Variants in CHSY3 observed in about 807,000 individuals in gnomAD.
CHSY3 encodes the protein N-acetylgalactosaminyl-proteoglycan 3-beta-glucuronosyltransferase 3.
Under a neutral mutation model 67.2 loss-of-function variants are expected in CHSY3, and 35 were observed. The observed-to-expected ratio is 0.52, with a 90% confidence interval of 0.40 to 0.69. The LOEUF is 0.69. Among genes scored for constraint, CHSY3 ranks in the 30% least tolerant of loss-of-function variants. The pLI is 0.00. For synonymous variants in CHSY3, 474 were observed against 434.7 expected (o/e 1.09, Z -1.12); for missense variants, 1,069 against 1,138.5 (o/e 0.94, Z 0.88).
At chr5:130,144,934 C>T (rs1232082389) in intron 2 of CHSY3, among the ~76,000 whole-genome samples, 1 of 152,122 alleles carries the variant, frequency 6.6e-6, no homozygotes, top group Non-Finnish European at 1.5e-5. Flanking sequence ...GGGGAGGCCT[C>T]AGGAAACTTA....
intron 2 of CHSY3, among the ~76,000 whole-genome samples, chr5:130,064,927 A>T (rs1273035704): frequency 6.6e-6 from 1 of 152,178 alleles, no homozygotes; most frequent in African/African-American, 2.4e-5. Context: ...TTTTATTGTG[A>T]ACAGTCAGGA....
intron 2 of CHSY3, among the ~76,000 whole-genome samples, chr5:130,131,757 T>C (rs1768490234): frequency 6.6e-6 from 1 of 152,104 alleles, no homozygotes; most frequent in Admixed American, 6.6e-5. Flanking sequence ...CCTCATGATA[T>C]CCACTAGAAT....
intron 2 of CHSY3, among the ~76,000 whole-genome samples, chr5:130,031,216 A>C (rs1313428142): frequency 6.6e-6 from 1 of 152,174 alleles, no homozygotes; most frequent in East Asian, 1.9e-4. Context: ...TGAGCCATTA[A>C]TTTCTCTATA....
chr5:130,111,684 A>G (rs1005302993), intron 2 of CHSY3, among the ~76,000 whole-genome samples: 1 of 152,148 alleles, frequency 6.6e-6, no homozygotes, highest in Non-Finnish European at 1.5e-5. Context: ...ATAAATCAAA[A>G]TAATGAAATA....
intron 2 of CHSY3, among the ~76,000 whole-genome samples, chr5:130,087,595 C>G (rs1348186871): frequency 6.6e-6 from 1 of 151,662 alleles, no homozygotes; most frequent in African/African-American, 2.4e-5. Context: ...AGAGCCAAAT[C>G]ATGAGTGAAC....
rs1163674447 is a variant in CHSY3 at position 130,186,239 on chromosome 5, CT to C, written c.*449del. 3 of 150,612 alleles carry C rather than the reference CT, an allele frequency of 2.0e-5. No homozygotes were observed. The highest frequency in any genetic ancestry group is 7.6e-5 in the African/African-American group (3 of 39,492). 9.3% of individuals were successfully genotyped at this position (150,612 alleles called of 1,614,324 possible). On this transcript the variant is annotated 3_prime_UTR_variant, in exon 3 of 3. Transcript: ENST00000305031. ...TTATGCTTCCTATGGGGAAGGGACT[CT>C]GTAACATAAACTTGAGTTTTGTAAT...
rs114469293 is a variant in CHSY3 at position 130,019,218 on chromosome 5, A to T, written c.1086+110858A>T. ...TTTACACATGCTTGTTTGAAGAATA[A>T]TTGCTTGCATGATTACCATCAATAT... On this transcript the variant is annotated intron_variant, in intron 2 of 2. Transcript: ENST00000305031. 3.3e-5 allele frequency among the ~76,000 whole-genome samples: 5 copies of T among 152,292 alleles called. No individual in the cohort carries two copies. The East Asian group carries it at 9.7e-4, about 29-fold the overall frequency.
chr5:129,924,240 A>G (rs1761019580), intron 2 of CHSY3, among the ~76,000 whole-genome samples: 1 of 151,990 alleles, frequency 6.6e-6, no homozygotes, highest in Non-Finnish European at 1.5e-5. Context: ...TTATATTTCC[A>G]TAGTTTCTCT....
chr5:130,129,634 T>C lies in CHSY3; in HGVS notation c.1087-54595T>C, dbSNP rs891219183. 3.9e-5 allele frequency among the ~76,000 whole-genome samples: 6 copies of C among 152,232 alleles called. No individual in the cohort carries two copies. The South Asian group carries it at 1.2e-3, about 32-fold the overall frequency. ...TGAATATACATAGCAATTTAGAAAA[T>C]GAATATTAAATAATTTTAAATTTTG... is the stretch of plus-strand genomic sequence containing the variant. On this transcript the variant is annotated intron_variant, in intron 2 of 2. Transcript: ENST00000305031.
chr5:129,963,259 G>A lies in CHSY3; in HGVS notation c.1086+54899G>A, dbSNP rs187152890. 3.3e-5 allele frequency among the ~76,000 whole-genome samples: 5 copies of A among 152,026 alleles called. No individual in the cohort carries two copies. In the East Asian group the frequency reaches 7.8e-4, roughly 24 times the overall value. On this transcript the variant is annotated intron_variant, in intron 2 of 2. Transcript: ENST00000305031. ...CATCTCTATAGTCTTTTGATGTTTA[G>A]GAAACTATTTTCATCTACTACCTTG...
chr5:130,055,279 T>TAAAA (rs200891155), intron 2 of CHSY3, among the ~76,000 whole-genome samples: 1 of 140,054 alleles, frequency 7.1e-6, no homozygotes, highest in Non-Finnish European at 1.6e-5. Flanking sequence ...TTGCCCCTTG[T>TAAAA]AAAAAAAAAA....
chr5:130,153,408 C>T (rs1769283791), intron 2 of CHSY3, among the ~76,000 whole-genome samples: 1 of 152,072 alleles, frequency 6.6e-6, no homozygotes, highest in South Asian at 2.1e-4. Flanking sequence ...TTTCTCAAAA[C>T]ATCATTCTCT....
At chr5:130,072,572 AT>A (rs1173160317) in intron 2 of CHSY3, among the ~76,000 whole-genome samples, 3 of 152,038 alleles carry the variant, frequency 2.0e-5, no homozygotes, top group African/African-American at 7.2e-5. Context: ...TTTATAATAT[AT>A]TTAAGTCAGG....
chr5:130,115,125 A>T (rs907822456), intron 2 of CHSY3, among the ~76,000 whole-genome samples: 2 of 151,750 alleles, frequency 1.3e-5, no homozygotes, highest in Non-Finnish European at 2.9e-5. Flanking sequence ...CTTTTCTCAA[A>T]TTTTTATAAA....
At chr5:130,125,981 A>G (rs780736039) in intron 2 of CHSY3, among the ~76,000 whole-genome samples, 33 of 152,204 alleles carry the variant, frequency 2.2e-4, no homozygotes, top group Non-Finnish European at 3.4e-4. Context: ...TTTCCTTTAC[A>G]TACTTGCTTG....
intron 2 of CHSY3, among the ~76,000 whole-genome samples, chr5:130,182,436 C>G (rs1301478986): frequency 6.6e-6 from 1 of 151,648 alleles, no homozygotes; most frequent in South Asian, 2.1e-4. Flanking sequence ...TTCTCCTGCT[C>G]TGTAATTGCC....
rs149892119 is a variant in CHSY3, at chr5:129,908,230, G to A, written c.956G>A (p.Arg319Gln). The A allele has an allele frequency of 1.5e-5, 25 of 1,614,144 alleles. No individual in the cohort carries two copies. The highest frequency in any genetic ancestry group is 1.5e-4 in the African/African-American group (11 of 75,026). The change falls in exon 2 of 3, where the codon CGA becomes CAA. Residue 319 changes from arginine to glutamine, a missense_variant. By Grantham distance (43) the Arg-to-Gln change is conservative. Around this residue, in one of 5 missense-constraint regions of CHSY3, gnomAD observed 216 missense variants for 311.5 expected, o/e 0.69. Coordinates refer to ENST00000305031, the MANE Select transcript of CHSY3 (RefSeq NM_175856.5). ...CMGGPGMIFS[R>Q]EVLRRMVPHI... is the part of the protein sequence containing the mutation. The stretch of plus-strand genomic sequence containing the variant: ...GGAGGACCTGGCATGATCTTTAGCC[G>A]AGAAGTTCTCAGGAGGATGGTGCCA...
intron 2 of CHSY3, among the ~76,000 whole-genome samples, chr5:130,182,492 C>T (rs1460380954): frequency 1.3e-5 from 2 of 151,864 alleles, no homozygotes; most frequent in African/African-American, 2.4e-5. Context: ...AGGTTCTTAA[C>T]TTTAACATAA....
Position 130,184,685 on chromosome 5 carries a change from C to A in CHSY3, c.1543C>A (p.Arg515=), listed in dbSNP as rs372020531. 6.2e-6 allele frequency: 10 copies of A among 1,606,228 alleles called. No individual in the cohort carries two copies. In the African/African-American group the frequency reaches 1.3e-4, roughly 21 times the overall value. The change falls in exon 3 of 3, where the codon CGG becomes AGG. Residue 515 remains arginine, a synonymous_variant. Transcript: ENST00000305031. ...CAATGAGAATGCCAAGAGCAGAGGA[C>A]GGCTCATTGACTTCAAGGAAATTCA... ...MINENAKSRG[R]LIDFKEIQYG... is the part of the protein sequence containing the mutation.
Sources: allele counts gnomAD v4.1 joint callset (sites outside exome capture counted in the v4.1 genomes callset), GRCh38; gene constraint gnomAD v4.1.1; regional missense constraint gnomAD v4.1.1; transcripts MANE v1.5; gene names NCBI Gene and HGNC (gene_info 2026-07-23, HGNC 2026-07-21).